OPCML: variants seen among roughly 807,000 people sequenced by gnomAD.
OPCML encodes opioid-binding protein/cell adhesion molecule.
In OPCML, 13 loss-of-function variants were observed where a neutral mutation model predicts 37.8. The observed-to-expected ratio is 0.34, with a 90% CI of 0.22 to 0.55. The LOEUF is 0.55. Ranked by LOEUF, OPCML falls within the 20% of genes least tolerant of loss-of-function variation. OPCML has a pLI of 0.91. For missense variants in OPCML, 341 were observed against 435.6 expected (o/e 0.78, Z 1.93); for synonymous variants, 176 against 168.8 (o/e 1.04, Z -0.33).
chr11:133,187,383 ATGATCC>A, intron 1 of OPCML, among the ~76,000 whole-genome samples: 1 of 152,210 alleles, frequency 6.6e-6, no homozygotes, highest in Admixed American at 6.5e-5. Context: ...ACTGGTTGGG[ATGATCC>A]ACTCTGCAGT....
At chr11:133,367,601 A>C (rs1944574703) in intron 1 of OPCML, among the ~76,000 whole-genome samples, 1 of 152,258 alleles carries the variant, frequency 6.6e-6, no homozygotes, top group African/African-American at 2.4e-5. Context: ...CGAGTAAAGC[A>C]GTGCTTTGGA....
In OPCML at chr11:132,901,978, C is replaced by T. The variant is rs529714609; in HGVS notation, c.146+40948G>A. On this transcript the variant is annotated intron_variant, in intron 2 of 7. Coordinates refer to ENST00000524381, the MANE Select transcript of OPCML (RefSeq NM_001012393.5). ...CAACAGGATGATGAACTCCCCCCAC[C>T]ACCGGTGTTTGCGTCATGGGGCATT... Among the ~76,000 whole-genome samples the T allele has an allele frequency of 4.6e-5, 7 of 152,284 alleles. No individual in the cohort carries two copies. In the South Asian group the frequency reaches 1.0e-3, roughly 23 times the overall value.
intron 1 of OPCML, among the ~76,000 whole-genome samples, chr11:133,082,217 G>A (rs1408213175): frequency 1.3e-5 from 2 of 151,484 alleles, no homozygotes; most frequent in East Asian, 2.0e-4. Flanking sequence ...GCGTCCGCAC[G>A]ACCCGGGGTC....
intron 1 of OPCML, among the ~76,000 whole-genome samples, chr11:133,507,260 G>A (rs1486321122): frequency 3.3e-5 from 5 of 152,218 alleles, no homozygotes; most frequent in Admixed American, 3.3e-4. Flanking sequence ...CTCCAGCTCA[G>A]CACCTCCCTC....
intron 2 of OPCML, among the ~76,000 whole-genome samples, chr11:132,744,329 C>T (rs892451852): frequency 6.6e-6 from 1 of 152,096 alleles, no homozygotes; most frequent in African/African-American, 2.4e-5. Context: ...TCACTGTCTC[C>T]CCCTCATTAC....
chr11:132,592,189 C>T (rs2096485559), intron 3 of OPCML, among the ~76,000 whole-genome samples: 2 of 152,146 alleles, frequency 1.3e-5, no homozygotes, highest in Non-Finnish European at 2.9e-5. Flanking sequence ...GAATATTTTC[C>T]AAAGGTCTAG....
chr11:133,378,888 C>A (rs1427921202), intron 1 of OPCML, among the ~76,000 whole-genome samples: 1 of 151,974 alleles, frequency 6.6e-6, no homozygotes, highest in Non-Finnish European at 1.5e-5. Flanking sequence ...ACAACGAGTG[C>A]ACACCATCAT....
chr11:133,377,376 A>G (rs1325218314), intron 1 of OPCML, among the ~76,000 whole-genome samples: 1 of 152,060 alleles, frequency 6.6e-6, no homozygotes, highest in Non-Finnish European at 1.5e-5. Context: ...GCTAAGAACT[A>G]CATTTTCCAA....
chr11:132,837,354 G>A (rs1941073416), intron 2 of OPCML, among the ~76,000 whole-genome samples: 1 of 151,830 alleles, frequency 6.6e-6, no homozygotes, highest in South Asian at 2.1e-4. Context: ...AAACAAAACA[G>A]TAATCATGAC....
At chr11:133,439,719 G>A (rs1051901692) in intron 1 of OPCML, among the ~76,000 whole-genome samples, 5 of 152,022 alleles carry the variant, frequency 3.3e-5, no homozygotes, top group Middle Eastern at 3.4e-3. Flanking sequence ...CACCCGCCTT[G>A]GCCTCCCAAA....
intron 2 of OPCML, among the ~76,000 whole-genome samples, chr11:132,796,357 A>G (rs61906871): frequency 0.19 from 28,725 of 152,168 alleles, 3,280 homozygotes; most frequent in Non-Finnish European, 0.28. Context: ...ACATTTGCGC[A>G]TAAGTTTTTG....
At chr11:132,916,772 G>A (rs1944619941) in intron 2 of OPCML, among the ~76,000 whole-genome samples, 1 of 152,076 alleles carries the variant, frequency 6.6e-6, no homozygotes, top group South Asian at 2.1e-4. Context: ...AAGTAGAAAG[G>A]GAAGAGTTGA....
intron 2 of OPCML, among the ~76,000 whole-genome samples, chr11:132,874,637 C>G (rs1219488623): frequency 6.6e-6 from 1 of 152,176 alleles, no homozygotes; most frequent in African/African-American, 2.4e-5. Flanking sequence ...GTTGTTACCA[C>G]TAATCAGAAT....
At chr11:132,901,879 T>G (rs1331551352) in intron 2 of OPCML, among the ~76,000 whole-genome samples, 2 of 152,204 alleles carry the variant, frequency 1.3e-5, no homozygotes, top group Admixed American at 6.5e-5. Flanking sequence ...TAAACTGAAT[T>G]GTACTTGGAA....
intron 3 of OPCML, among the ~76,000 whole-genome samples, chr11:132,536,009 G>C (rs906980416): frequency 6.6e-6 from 1 of 152,122 alleles, no homozygotes; most frequent in East Asian, 1.9e-4. Context: ...GGAAGCAATA[G>C]TGTCAGAAAG....
At chr11:133,512,760 C>T (rs934171621) in intron 1 of OPCML, among the ~76,000 whole-genome samples, 11 of 152,134 alleles carry the variant, frequency 7.2e-5, no homozygotes, top group African/African-American at 2.7e-4. Flanking sequence ...TAGCCTATCA[C>T]TCAGGAAATT....
At chr11:132,806,408 T>C (rs1352764677) in intron 2 of OPCML, among the ~76,000 whole-genome samples, 1 of 152,062 alleles carries the variant, frequency 6.6e-6, no homozygotes, top group African/African-American at 2.4e-5. Context: ...TTTAAAAGGA[T>C]GAGAGAAGAT....
intron 2 of OPCML, among the ~76,000 whole-genome samples, chr11:132,791,065 G>C (rs1211668348): frequency 6.6e-6 from 1 of 152,170 alleles, no homozygotes; most frequent in Admixed American, 6.5e-5. Flanking sequence ...CGCTGGACTG[G>C]CTGTGGGGTA....
chr11:133,447,224 C>A (rs1946490773), intron 1 of OPCML, among the ~76,000 whole-genome samples: 1 of 152,058 alleles, frequency 6.6e-6, no homozygotes, highest in Admixed American at 6.5e-5. Context: ...TTTTTTTCTT[C>A]AATTGAAAAG....
Sources: gnomAD v4.1 joint callset for allele counts (sites outside exome capture counted in the v4.1 genomes callset) on GRCh38, gnomAD v4.1.1 for gene constraint, MANE v1.5 for transcripts, NCBI Gene and HGNC (gene_info 2026-07-23, HGNC 2026-07-21) for gene names.